PCDHGA7: variants seen among roughly 807,000 people sequenced by gnomAD.
PCDHGA7 encodes protocadherin gamma-A7.
PCDHGA7 carries 44 observed loss-of-function variants against 58.3 expected under a neutral mutation model. The ratio of observed to expected loss-of-function variants is 0.75; its 90% CI spans 0.59 to 0.97. The LOEUF (loss-of-function observed/expected upper bound fraction) is 0.97. Ranked by LOEUF, PCDHGA7 falls within the 50% of genes least tolerant of loss-of-function variation. The pLI, the probability that PCDHGA7 is intolerant of heterozygous loss-of-function variation, is 0.00. For synonymous variants in PCDHGA7, 516 were observed against 504.2 expected (o/e 1.02, Z -0.31); for missense variants, 1,266 against 1,188.7 (o/e 1.06, Z -0.96).
At chr5:141,397,871 C>G (rs2093579938) in intron 1 of PCDHGA7, 6 of 574,628 alleles carry the variant, frequency 1.0e-5, no homozygotes, top group Non-Finnish European at 1.8e-5. Flanking sequence ...AGTGCTGACT[C>G]TGGGCGCCGC....
chr5:141,490,584 T>G lies in PCDHGA7; in HGVS notation c.2425-4223T>G, dbSNP rs751060540. 1 of 1,614,170 alleles carries G rather than the reference T, an allele frequency of 6.2e-7. No individual in the cohort carries two copies. Among genetic ancestry groups the G allele is most frequent in the South Asian group, 1.1e-5 (1 of 91,080 alleles). ...TCAGGCTCAACATTTCAGATGTCAA[T>G]GACAATGCACCCCGCTTCAACCAGC... On this transcript the variant is annotated intron_variant, in intron 1 of 3. Transcript: ENST00000518325. This position sits in a 1 kb window ranked among gnomAD's most constrained non-coding sequence, Gnocchi z 5.4.
intron 1 of PCDHGA7, chr5:141,414,815 G>T (rs1437985019): frequency 2.2e-5 from 35 of 1,614,236 alleles, no homozygotes; most frequent in Non-Finnish European, 2.9e-5. Flanking sequence ...CCTCCACTCA[G>T]CAGCAACGTG....
In PCDHGA7 at chr5:141,388,074, C is replaced by T. The variant is rs770542956; in HGVS notation, c.2424+2751C>T. 1.6e-5 allele frequency: 22 copies of T among 1,363,892 alleles called. No homozygotes were observed. In the South Asian group the frequency reaches 2.8e-4, roughly 17 times the overall value. 84.5% of individuals were successfully genotyped at this position (1,363,892 alleles called of 1,614,324 possible). On this transcript the variant is annotated intron_variant, in intron 1 of 3. Transcript: ENST00000518325. ...GTTCAGCGTCCAGGAGTTACCGACT[C>T]GAAAACTGCGCGTCAGTTCGGAGAA...
At chr5:141,458,662 C>A (rs948275548) in intron 1 of PCDHGA7, among the ~76,000 whole-genome samples, 2 of 152,064 alleles carry the variant, frequency 1.3e-5, no homozygotes, top group Non-Finnish European at 2.9e-5. Flanking sequence ...CTCCACCTCT[C>A]GGGTTCAAGC....
Position 141,485,855 on chromosome 5 carries a change from C to A in PCDHGA7, c.2425-8952C>A. ...CCCGCCGAGATCTGGCACCGCAGAG[C>A]TCCGGGTATCCGTGCTGGACGTAAA... On this transcript the variant is annotated intron_variant, in intron 1 of 3. Transcript: ENST00000518325. The surrounding 1 kb of genome is among the most constrained non-coding windows in gnomAD (Gnocchi z 5.7). 6.2e-7 allele frequency: 1 copy of A among 1,614,196 alleles called. No homozygotes were observed. Among genetic ancestry groups the A allele is most frequent in the Non-Finnish European group, 8.5e-7 (1 of 1,180,036 alleles).
At position 141,490,908 on chromosome 5, in the gene PCDHGA7, C is replaced by A; in HGVS notation, c.2425-3899C>A. On this transcript the variant is annotated intron_variant, in intron 1 of 3. Coordinates refer to ENST00000518325, the MANE Select transcript of PCDHGA7 (RefSeq NM_018920.4). The surrounding 1 kb of genome is among the most constrained non-coding windows in gnomAD (Gnocchi z 5.4). The stretch of plus-strand genomic sequence containing the variant: ...CATCTCTGCATGTGTTTGTCCTAGA[C>A]GAGAATGATAATGCCCCAGCTGTGC... The A allele has an allele frequency of 6.2e-7, 1 of 1,613,710 alleles. No homozygotes were observed. Among genetic ancestry groups the A allele is most frequent in the Non-Finnish European group, 8.5e-7 (1 of 1,179,754 alleles).
At position 141,423,255 on chromosome 5, in the gene PCDHGA7, C is replaced by T. The variant is rs368969800; in HGVS notation, c.2424+37932C>T. ...GCATCCCCGAAGTCCTGGCGGACCT[C>T]GGCAGCCTCGAGTCTCTGGCTAACT... On this transcript the variant is annotated intron_variant, in intron 1 of 3. Transcript: ENST00000518325. 2.0e-5 allele frequency: 33 copies of T among 1,613,930 alleles called. No homozygotes were observed. In the East Asian group the frequency reaches 3.8e-4, roughly 19 times the overall value.
In PCDHGA7 at chr5:141,388,167, A is replaced by G. The variant is rs2091267491; in HGVS notation, c.2424+2844A>G. On this transcript the variant is annotated intron_variant, in intron 1 of 3. Coordinates refer to ENST00000518325, the MANE Select transcript of PCDHGA7 (RefSeq NM_018920.4). ...GAGCAGCAGGCTAGACAGGGAGGAG[A>G]TATGCGGGAAGAAGCCAGCTTGTGC... 4.1e-6 allele frequency: 6 copies of G among 1,478,972 alleles called. No individual in the cohort carries two copies. In the African/African-American group the frequency reaches 5.7e-5, roughly 14 times the overall value. 91.6% of individuals were successfully genotyped at this position (1,478,972 alleles called of 1,614,324 possible). A position where few individuals can be genotyped will look rare whatever the true frequency, so the allele number is the denominator to read the frequency against.
chr5:141,413,533 C>G, intron 1 of PCDHGA7: 1 of 1,613,934 alleles, frequency 6.2e-7, no homozygotes, highest in Non-Finnish European at 8.5e-7. Flanking sequence ...CAGGGTGAAA[C>G]TTTTTGGGAT....
At chr5:141,436,778 G>A (rs2097846346) in intron 1 of PCDHGA7, among the ~76,000 whole-genome samples, 1 of 152,154 alleles carries the variant, frequency 6.6e-6, no homozygotes, top group African/African-American at 2.4e-5. Flanking sequence ...ATTTGTGGAT[G>A]GAAATAAAAC....
Position 141,431,677 on chromosome 5 carries a change from G to T in PCDHGA7, c.2424+46354G>T. The T allele has an allele frequency of 1.2e-6, 2 of 1,614,236 alleles. No homozygotes were observed. Among genetic ancestry groups the T allele is most frequent in the Non-Finnish European group, 1.7e-6 (2 of 1,180,050 alleles). ...CAGGGACAATATCAACAATAGGGGAGTTGGACCACGAGGAGTCAGGATTCT... is the reference window on the plus strand; with the variant it reads ...CAGGGACAATATCAACAATAGGGGATTTGGACCACGAGGAGTCAGGATTCT... On this transcript the variant is annotated intron_variant, in intron 1 of 3. Coordinates refer to ENST00000518325, the MANE Select transcript of PCDHGA7 (RefSeq NM_018920.4). The surrounding 1 kb of genome is among the most constrained non-coding windows in gnomAD (Gnocchi z 4.8).
intron 1 of PCDHGA7, among the ~76,000 whole-genome samples, chr5:141,474,773 G>T (rs1290099424): frequency 6.6e-6 from 1 of 152,182 alleles, no homozygotes; most frequent in East Asian, 1.9e-4. Flanking sequence ...ATAGTATGAG[G>T]CTCTAACACT....
chr5:141,436,878 G>T (rs914354261), intron 1 of PCDHGA7, among the ~76,000 whole-genome samples: 1 of 152,216 alleles, frequency 6.6e-6, no homozygotes, highest in African/African-American at 2.4e-5. Context: ...GGCCATAAAA[G>T]ATGGGGGAAA....
chr5:141,427,435 T>G, intron 1 of PCDHGA7: 1 of 474,160 alleles, frequency 2.1e-6, no homozygotes, highest in Non-Finnish European at 4.2e-6. Context: ...ACATGCCTCA[T>G]AAACGAAAGA....
At chr5:141,395,194 C>G in intron 1 of PCDHGA7, 1 of 1,613,922 alleles carries the variant, frequency 6.2e-7, no homozygotes, top group Non-Finnish European at 8.5e-7. Flanking sequence ...TTGTTAACAT[C>G]CGTAGATTTT....
chr5:141,486,175 C>T lies in PCDHGA7; in HGVS notation c.2425-8632C>T. ...GTTCTCCAGCCATGGAGCAACATTG[C>T]AGCCTTCGAGTGGATCTGCTGGACG... On this transcript the variant is annotated intron_variant, in intron 1 of 3. Transcript: ENST00000518325. The surrounding 1 kb of genome is among the most constrained non-coding windows in gnomAD (Gnocchi z 5.0). 1 of 1,614,210 alleles carries T rather than the reference C, an allele frequency of 6.2e-7. No individual in the cohort carries two copies.
chr5:141,383,675 C>G lies in PCDHGA7; in HGVS notation c.776C>G (p.Thr259Arg). 1 of 1,614,006 alleles carries G rather than the reference C, an allele frequency of 6.2e-7. No individual in the cohort carries two copies. Among genetic ancestry groups the G allele is most frequent in the Non-Finnish European group, 8.5e-7 (1 of 1,179,890 alleles). Residue 259 changes from threonine (T) to arginine (R), a missense_variant, in exon 1 of 4, where the codon ACA becomes AGA. Coordinates refer to ENST00000518325, the MANE Select transcript of PCDHGA7 (RefSeq NM_018920.4). ...GTCCCCGAGAATGTGCCAGTGGGTA[C>G]AAGACTGCTCACGGTACATGCTATC... is the stretch of plus-strand genomic sequence containing the variant. ...VTVPENVPVGTRLLTVHAIDL... is the reference protein window; with the variant it reads ...VTVPENVPVGRRLLTVHAIDL...
At chr5:141,442,202 G>A (rs1033563159) in intron 1 of PCDHGA7, 2 of 153,258 alleles carry the variant, frequency 1.3e-5, no homozygotes, top group African/African-American at 4.8e-5. Context: ...TTTATATCTG[G>A]TGATTGCCTT....
intron 1 of PCDHGA7, among the ~76,000 whole-genome samples, chr5:141,425,869 C>T (rs1376765137): frequency 2.0e-5 from 3 of 152,198 alleles, no homozygotes. Context: ...TATAGATTCC[C>T]ATCTCTAAGG....
Sources: gnomAD v4.1 joint callset for allele counts (sites outside exome capture counted in the v4.1 genomes callset) on GRCh38, gnomAD v4.1.1 for gene constraint, Gnocchi (gnomAD v3.1) non-coding constraint, MANE v1.5 for transcripts, NCBI Gene and HGNC (gene_info 2026-07-23, HGNC 2026-07-21) for gene names.